Variants in PDE1A observed in about 807,000 individuals in gnomAD.
PDE1A encodes the protein dual specificity calcium/calmodulin-dependent 3',5'-cyclic nucleotide phosphodiesterase 1A.
A neutral mutation model predicts 61.7 loss-of-function variants in PDE1A; 35 were observed. That is an observed-to-expected ratio of 0.57 (90% confidence interval 0.43 to 0.75). The LOEUF (loss-of-function observed/expected upper bound fraction) is 0.75, where lower values mean the gene tolerates loss of function less well. Among genes scored for constraint, PDE1A ranks in the 30% least tolerant of loss-of-function variants. PDE1A has a pLI of 0.00. For missense variants in PDE1A, 597 were observed against 630.6 expected (o/e 0.95, Z 0.57); for synonymous variants, 232 against 213.2 (o/e 1.09, Z -0.77).
At chr2:182,478,918 C>A (rs1312958739) in intron 2 of PDE1A, among the ~76,000 whole-genome samples, 1 of 151,854 alleles carries the variant, frequency 6.6e-6, no homozygotes, top group Non-Finnish European at 1.5e-5. Flanking sequence ...TTGACTATAA[C>A]AACATTCTCT....
chr2:182,704,128 T>A, the PDE1A span, among the ~76,000 whole-genome samples: 1 of 147,370 alleles, frequency 6.8e-6, no homozygotes, highest in African/African-American at 2.5e-5. Context: ...GGAGAATTGC[T>A]CGAATCCGGG....
intron 13 of PDE1A, among the ~76,000 whole-genome samples, chr2:182,179,116 C>T (rs191771764): frequency 1.3e-5 from 2 of 152,204 alleles, no homozygotes; most frequent in African/African-American, 4.8e-5. Context: ...AAACAGGTAG[C>T]ATGAGGACAT....
rs892761128 is a variant in PDE1A, at chr2:182,264,289, G to C, written c.167+12C>G. On this transcript the variant is annotated intron_variant, in intron 2 of 13. Transcript: ENST00000351439. ...ATCAAAGAAGATAAAAGAGAAGAAGGTTAAAACTTACCTTGTTTCATCGAT... is the reference window on the plus strand; with the variant it reads ...ATCAAAGAAGATAAAAGAGAAGAAGCTTAAAACTTACCTTGTTTCATCGAT... The C allele has an allele frequency of 3.8e-6, 6 of 1,560,440 alleles. No homozygotes were observed. The highest frequency in any genetic ancestry group is 5.3e-6 in the Non-Finnish European group (6 of 1,134,898).
the PDE1A span, among the ~76,000 whole-genome samples, chr2:182,564,193 T>C: frequency 5.9e-5 from 9 of 151,708 alleles, no homozygotes; most frequent in South Asian, 2.1e-4. Context: ...TGGCTGGTAC[T>C]GGTTGTTCCT....
At chr2:182,351,818 T>C (rs1022992557) in intron 1 of PDE1A, among the ~76,000 whole-genome samples, 8 of 152,178 alleles carry the variant, frequency 5.3e-5, no homozygotes, top group African/African-American at 1.2e-4. Context: ...ATCTGAACCA[T>C]AATTAATTGA....
intron 2 of PDE1A, among the ~76,000 whole-genome samples, chr2:182,472,917 C>T (rs912514678): frequency 2.0e-5 from 3 of 149,006 alleles, no homozygotes; most frequent in East Asian, 2.0e-4. Context: ...CAGACTCATA[C>T]ATAAGCTTTT....
At chr2:182,587,922 T>C in the PDE1A span, among the ~76,000 whole-genome samples, 3 of 152,220 alleles carry the variant, frequency 2.0e-5, no homozygotes, top group Admixed American at 2.0e-4. Context: ...AACAACTTGA[T>C]GTGACTTTGA....
At chr2:182,146,294 T>G (rs1690491536), downstream of PDE1A, among the ~76,000 whole-genome samples, 2 of 152,312 alleles carry the variant, frequency 1.3e-5, no homozygotes, top group South Asian at 4.1e-4. Context: ...GAACCATAGA[T>G]GCACATGTTC....
chr2:182,628,793 T>G, the PDE1A span, among the ~76,000 whole-genome samples: 1 of 152,220 alleles, frequency 6.6e-6, no homozygotes, highest in Non-Finnish European at 1.5e-5. Context: ...CTTGGCCATC[T>G]GTAACAGACA....
chr2:182,553,119 C>T, the PDE1A span, among the ~76,000 whole-genome samples: 1 of 152,220 alleles, frequency 6.6e-6, no homozygotes, highest in African/African-American at 2.4e-5. Flanking sequence ...TCTTCCGTGA[C>T]CCACGGCTTC....
intron 13 of PDE1A, among the ~76,000 whole-genome samples, chr2:182,169,535 G>T (rs992559865): frequency 6.6e-6 from 1 of 152,004 alleles, no homozygotes; most frequent in African/African-American, 2.4e-5. Context: ...ATCTGCTAGG[G>T]TTCCTGTTAA....
chr2:182,328,131 T>G (rs1354446746), intron 1 of PDE1A, among the ~76,000 whole-genome samples: 1 of 152,150 alleles, frequency 6.6e-6, no homozygotes, highest in Non-Finnish European at 1.5e-5. Context: ...TCACAAAGAC[T>G]ATATCTAAGA....
chr2:182,145,924 A>T (rs1690470833), downstream of PDE1A, among the ~76,000 whole-genome samples: 1 of 152,188 alleles, frequency 6.6e-6, no homozygotes, highest in Non-Finnish European at 1.5e-5. Context: ...ACACTTTCAT[A>T]TCTAAAGTAA....
chr2:182,552,116 T>C, the PDE1A span, among the ~76,000 whole-genome samples: 1 of 152,250 alleles, frequency 6.6e-6, no homozygotes, highest in African/African-American at 2.4e-5. Context: ...TTTGTTTTAC[T>C]ATTTCATTTT....
At chr2:182,606,749 T>C in the PDE1A span, among the ~76,000 whole-genome samples, 4 of 152,078 alleles carry the variant, frequency 2.6e-5, no homozygotes, top group Admixed American at 2.6e-4. Flanking sequence ...CATTTCCAAA[T>C]AGAGTGGAAA....
chr2:182,242,009 C>T, intron 2 of PDE1A: 1 of 1,417,932 alleles, frequency 7.1e-7, no homozygotes, highest in Non-Finnish European at 9.2e-7. Flanking sequence ...TCTACTATCT[C>T]TTATGCAGTG....
intron 10 of PDE1A, among the ~76,000 whole-genome samples, chr2:182,194,022 G>A (rs535484307): frequency 6.6e-6 from 1 of 152,212 alleles, no homozygotes; most frequent in East Asian, 1.9e-4. Context: ...TAAAAATAGA[G>A]AGGCCTGACT....
chr2:182,437,064 C>T (rs1195260960), intron 2 of PDE1A, among the ~76,000 whole-genome samples: 1 of 151,910 alleles, frequency 6.6e-6, no homozygotes, highest in East Asian at 1.9e-4. Context: ...ACAAGCCTTA[C>T]ATGTGGATGG....
intron 2 of PDE1A, among the ~76,000 whole-genome samples, chr2:182,466,166 C>A (rs1232258440): frequency 6.6e-6 from 1 of 151,894 alleles, no homozygotes; most frequent in African/African-American, 2.4e-5. Context: ...CCTGAACTAA[C>A]CTGAATACCT....
Sources: gnomAD v4.1 joint callset for allele counts (sites outside exome capture counted in the v4.1 genomes callset) on GRCh38, gnomAD v4.1.1 for gene constraint, MANE v1.5 for transcripts, NCBI Gene and HGNC (gene_info 2026-07-23, HGNC 2026-07-21) for gene names.